Variants in PARP8 observed in about 807,000 individuals in gnomAD.
The protein encoded by PARP8 is protein mono-ADP-ribosyltransferase PARP8.
In PARP8, 51 loss-of-function variants were observed where a neutral mutation model predicts 124.1. The ratio of observed to expected loss-of-function variants is 0.41; its 90% CI spans 0.33 to 0.52. PARP8 has a LOEUF of 0.52. Ranked by LOEUF, PARP8 falls within the 20% of genes least tolerant of loss-of-function variation. PARP8 has a pLI of 0.21. For synonymous variants in PARP8, 391 were observed against 361.5 expected (o/e 1.08, Z -0.93); for missense variants, 860 against 1,018.9 (o/e 0.84, Z 2.12).
intron 2 of PARP8, among the ~76,000 whole-genome samples, chr5:50,747,198 T>C: frequency 6.8e-6 from 1 of 146,148 alleles, no homozygotes; most frequent in South Asian, 2.3e-4. Context: ...CCTAATCTCT[T>C]TCCAAGTACT....
intron 2 of PARP8, among the ~76,000 whole-genome samples, chr5:50,693,745 A>C (rs1752736810): frequency 6.6e-6 from 1 of 151,566 alleles, no homozygotes; most frequent in African/African-American, 2.4e-5. Flanking sequence ...ACATCATATA[A>C]ATTAATTATA....
chr5:50,722,714 C>T (rs12188262), intron 2 of PARP8, among the ~76,000 whole-genome samples: 129,780 of 152,086 alleles, frequency 0.85, 55,648 homozygotes, highest in East Asian at 0.96. Flanking sequence ...CTCTGACAGA[C>T]ATTTTGTTAA....
intron 2 of PARP8, among the ~76,000 whole-genome samples, chr5:50,695,483 A>G (rs1004156695): frequency 3.9e-5 from 6 of 152,234 alleles, no homozygotes; most frequent in Non-Finnish European, 8.8e-5. Flanking sequence ...ACTTCATAAA[A>G]GCCGTAATTT....
Position 50,666,998 on chromosome 5 carries a change from G to T in PARP8, c.-98G>T. The stretch of plus-strand genomic sequence containing the variant: ...CCTTCAGCCCCTGCCTCGGCCAGAG[G>T]TTTCATTTTTAACTGAATATTTACG... On this transcript the variant is annotated 5_prime_UTR_variant, in exon 1 of 26. Transcript: ENST00000281631. The T allele has an allele frequency of 6.4e-7, 1 of 1,572,170 alleles. No individual in the cohort carries two copies. Among genetic ancestry groups the T allele is most frequent in the Non-Finnish European group, 8.6e-7 (1 of 1,165,942 alleles).
intron 9 of PARP8, among the ~76,000 whole-genome samples, chr5:50,780,995 C>A (rs1291735788): frequency 6.6e-6 from 1 of 152,042 alleles, no homozygotes; most frequent in African/African-American, 2.4e-5. Flanking sequence ...ATACCTGAGT[C>A]TTAATTCACC....
intron 10 of PARP8, among the ~76,000 whole-genome samples, chr5:50,789,843 T>A (rs1290880588): frequency 1.3e-5 from 2 of 152,212 alleles, no homozygotes; most frequent in Non-Finnish European, 2.9e-5. Flanking sequence ...ATATGATCAC[T>A]TTTATTTTAA....
At chr5:50,677,299 C>T (rs1750741117) in intron 2 of PARP8, among the ~76,000 whole-genome samples, 1 of 139,564 alleles carries the variant, frequency 7.2e-6, no homozygotes, top group Non-Finnish European at 1.5e-5. Flanking sequence ...AAATGCATCA[C>T]AGCTAGATAT....
chr5:50,827,836 A>C, intron 19 of PARP8, 108 bp from the exon 20 acceptor site: 1 of 764,000 alleles, frequency 1.3e-6, no homozygotes, highest in Non-Finnish European at 2.2e-6. Flanking sequence ...GAAAATTACT[A>C]TAGTTTGAAA....
At chr5:50,813,762 C>G (rs1431277946) in intron 14 of PARP8, among the ~76,000 whole-genome samples, 5 of 151,660 alleles carry the variant, frequency 3.3e-5, no homozygotes, top group Admixed American at 1.3e-4. Flanking sequence ...TTGAGATACA[C>G]AATTTGGTAC....
chr5:50,733,926 A>G (rs1383309879), intron 2 of PARP8, among the ~76,000 whole-genome samples: 1 of 152,158 alleles, frequency 6.6e-6, no homozygotes. Context: ...TCCCTCCAAA[A>G]GCGTAACTTA....
intron 14 of PARP8, among the ~76,000 whole-genome samples, chr5:50,803,000 AATG>A (rs1044987088): frequency 6.6e-6 from 1 of 152,194 alleles, no homozygotes; most frequent in Non-Finnish European, 1.5e-5. Context: ...AATCTCTGCA[AATG>A]ATGAACTCTG....
At chr5:50,759,620 A>ATC in intron 3 of PARP8, 23 bp from the exon 4 acceptor site, 1 of 1,111,320 alleles carries the variant, frequency 9.0e-7, no homozygotes, top group South Asian at 1.6e-5. Flanking sequence ...GCCTTTCATT[A>ATC]TCTTTTTTTT....
At position 50,843,967 on chromosome 5, in the gene PARP8, A is replaced by G. The variant is rs914965873; in HGVS notation, c.*1899A>G. The G allele has an allele frequency of 6.6e-6, 1 of 151,864 alleles. No individual in the cohort carries two copies. The highest frequency in any genetic ancestry group is 2.4e-5 in the African/African-American group (1 of 41,408). The allele number at this position is 151,864 out of a possible 1,614,324, so 9.4% of individuals were successfully genotyped here. On this transcript the variant is annotated 3_prime_UTR_variant, in exon 26 of 26. Transcript: ENST00000281631. ...CACTAGGACCACTGAGGCACCTCCA[A>G]TAAGCTCTGTAGAGTGCCTCCAGCA...
chr5:50,811,869 C>G (rs978500713), intron 14 of PARP8, among the ~76,000 whole-genome samples: 3 of 152,058 alleles, frequency 2.0e-5, no homozygotes, highest in African/African-American at 4.8e-5. Flanking sequence ...ATAGTTTGCT[C>G]AGAATGATGA....
rs1213046850 is a variant in PARP8, at chr5:50,844,631, A to G, written c.*2563A>G. On this transcript the variant is annotated 3_prime_UTR_variant, in exon 26 of 26. Coordinates refer to ENST00000281631, the MANE Select transcript of PARP8 (RefSeq NM_024615.4). The stretch of plus-strand genomic sequence containing the variant: ...TGAAATCTGTTCACCAATGCTTTGT[A>G]ATGGTTTTATTAATTGTGTAGCCAT... 1 of 151,782 alleles carries G rather than the reference A, an allele frequency of 6.6e-6. No homozygotes were observed. Among genetic ancestry groups the G allele is most frequent in the Non-Finnish European group, 1.5e-5 (1 of 67,786 alleles). The allele number at this position is 151,782 out of a possible 1,614,324, so 9.4% of individuals were successfully genotyped here.
chr5:50,821,308 T>A lies in PARP8; in HGVS notation c.1764T>A (p.Asn588Lys). 6.2e-7 allele frequency: 1 copy of A among 1,614,142 alleles called. No individual in the cohort carries two copies. Among genetic ancestry groups the A allele is most frequent in the Non-Finnish European group, 8.5e-7 (1 of 1,179,980 alleles). ...CATATCCTTCTGTGGTAGATCCTAATGATCCTCAGATGTTGGCCTTCAACC... is the reference window on the plus strand; with the variant it reads ...CATATCCTTCTGTGGTAGATCCTAAAGATCCTCAGATGTTGGCCTTCAACC... ...FEPYPSVVDP[N>K]DPQMLAFNPR... Residue 588 changes from asparagine (N) to lysine (K), a missense_variant, in exon 16 of 26, where the codon AAT becomes AAA. By Grantham distance (94) the Asn-to-Lys change is moderately conservative. Transcript: ENST00000281631.
chr5:50,710,134 A>G lies in PARP8; in HGVS notation c.147-40017A>G, dbSNP rs73101015. On this transcript the variant is annotated intron_variant, in intron 2 of 25. Transcript: ENST00000281631. Reference sequence around the variant, plus strand: ...ATATTAATAATTTTTTTCTGGGGCTAATTATTGTGCTTTCATTTTATTACA... The same window carrying G: ...ATATTAATAATTTTTTTCTGGGGCTGATTATTGTGCTTTCATTTTATTACA... Among the ~76,000 whole-genome samples, 140 of 151,626 alleles carry G rather than the reference A, an allele frequency of 9.2e-4. 1 individual carries two copies. The highest frequency in any genetic ancestry group is 3.3e-3 in the African/African-American group (135 of 41,390).
At chr5:50,818,183 C>T (rs1276217135) in intron 15 of PARP8, among the ~76,000 whole-genome samples, 1 of 130,204 alleles carries the variant, frequency 7.7e-6, no homozygotes, top group Middle Eastern at 3.8e-3. Flanking sequence ...TTAGCCCCCC[C>T]CCCCCCAAAA....
Position 50,721,876 on chromosome 5 carries a change from T to C in PARP8, c.147-28275T>C, listed in dbSNP as rs1475682431. Among the ~76,000 whole-genome samples, 3 of 152,254 alleles carry C rather than the reference T, an allele frequency of 2.0e-5. No homozygotes were observed. In the East Asian group the frequency reaches 5.8e-4, roughly 29 times the overall value. ...TGCTAAAGCAATTCTGATTTTTTTC[T>C]GTCTTCTTTTTACAGGTAATTCTTA... is the stretch of plus-strand genomic sequence containing the variant. On this transcript the variant is annotated intron_variant, in intron 2 of 25. Coordinates refer to ENST00000281631, the MANE Select transcript of PARP8 (RefSeq NM_024615.4).
Sources: allele counts gnomAD v4.1 joint callset (sites outside exome capture counted in the v4.1 genomes callset), GRCh38; gene constraint gnomAD v4.1.1; transcripts MANE v1.5; gene names NCBI Gene and HGNC (gene_info 2026-07-23, HGNC 2026-07-21).